The following SPEF2 variants were observed in gnomAD, a reference collection of about 807,000 sequenced individuals.
SPEF2 encodes sperm flagellar and cilia associated 2.
Under a neutral mutation model 224.6 loss-of-function variants are expected in SPEF2, and 187 were observed. The observed-to-expected ratio is 0.83, with a 90% CI of 0.74 to 0.94. The LOEUF is 0.94. Among genes scored for constraint, SPEF2 ranks in the 40% least tolerant of loss-of-function variants. The probability of loss-of-function intolerance (pLI) is 0.00; values close to 1 mark genes in which losing one functional copy is unlikely to be tolerated. For synonymous variants in SPEF2, 715 were observed against 707.3 expected, an observed-to-expected ratio of 1.01 and a Z score of -0.17; for missense variants, 2,170 against 2,135.6, an observed-to-expected ratio of 1.02 and a Z score of -0.32.
intron 36 of SPEF2, among the ~76,000 whole-genome samples, chr5:35,811,369 C>T (rs1032153129): frequency 9.2e-5 from 14 of 152,130 alleles, no homozygotes; most frequent in African/African-American, 3.4e-4. Context: ...TGTTGCCTAA[C>T]AGCTCTATGT....
intron 30 of SPEF2, among the ~76,000 whole-genome samples, chr5:35,782,173 C>G (rs909259496): frequency 6.6e-6 from 1 of 152,132 alleles, no homozygotes; most frequent in South Asian, 2.1e-4. Context: ...AAATGGAAAA[C>G]AATCCTTTAT....
chr5:35,644,538 T>C lies in SPEF2; in HGVS notation c.585+13T>C. On this transcript the variant is annotated intron_variant, in intron 4 of 36. Coordinates refer to ENST00000356031, the MANE Select transcript of SPEF2 (RefSeq NM_024867.4). ...TGATATTGAAAAGGTTCTATAGAAC[T>C]ATTTTTTCAGAAATTCATTAGTGCA... The C allele has an allele frequency of 1.9e-6, 3 of 1,575,396 alleles. No individual in the cohort carries two copies. Among genetic ancestry groups the C allele is most frequent in the Middle Eastern group, 1.8e-4 (1 of 5,648 alleles).
At chr5:35,748,390 G>C (rs1005312655) in intron 23 of SPEF2, among the ~76,000 whole-genome samples, 2 of 152,002 alleles carry the variant, frequency 1.3e-5, no homozygotes, top group African/African-American at 4.8e-5. Context: ...GAATCAAAAA[G>C]CTGGTTCTTT....
intron 23 of SPEF2, among the ~76,000 whole-genome samples, chr5:35,745,827 C>G (rs1238972023): frequency 2.0e-5 from 3 of 152,238 alleles, no homozygotes; most frequent in African/African-American, 7.2e-5. Context: ...ACAGCTGATG[C>G]TCTCTGGAAA....
At chr5:35,687,336 AT>A (rs1228057186) in intron 10 of SPEF2, among the ~76,000 whole-genome samples, 1 of 151,996 alleles carries the variant, frequency 6.6e-6, no homozygotes, top group African/African-American at 2.4e-5. Context: ...CCTGCAACTC[AT>A]TCTTTTCATT....
chr5:35,750,587 G>A (rs201539466), intron 23 of SPEF2, among the ~76,000 whole-genome samples: 2 of 151,988 alleles, frequency 1.3e-5, no homozygotes, highest in African/African-American at 2.4e-5. Flanking sequence ...ACAAACATAT[G>A]AAAAAATGCT....
intron 30 of SPEF2, among the ~76,000 whole-genome samples, chr5:35,780,214 C>G (rs1285931894): frequency 6.6e-6 from 1 of 152,100 alleles, no homozygotes; most frequent in East Asian, 1.9e-4. Context: ...ATTACTTTTC[C>G]CTGTAGCATA....
intron 2 of SPEF2, among the ~76,000 whole-genome samples, chr5:35,635,499 A>G (rs1745711429): frequency 1.3e-5 from 2 of 152,208 alleles, no homozygotes; most frequent in Non-Finnish European, 2.9e-5. Flanking sequence ...GAAACAAAAG[A>G]CATCATTCTA....
At chr5:35,721,991 A>G (rs1334171118) in intron 20 of SPEF2, among the ~76,000 whole-genome samples, 1 of 152,176 alleles carries the variant, frequency 6.6e-6, no homozygotes, top group Non-Finnish European at 1.5e-5. Flanking sequence ...TTTCAGAATT[A>G]AAGCTTTACA....
intron 33 of SPEF2, 78 bp from the exon 34 acceptor site, chr5:35,799,890 G>T: frequency 6.6e-7 from 1 of 1,505,398 alleles, no homozygotes; most frequent in Non-Finnish European, 9.1e-7. Context: ...AAGCTCCTGG[G>T]GAGATTCTTC....
chr5:35,717,619 A>G (rs1016424543), intron 20 of SPEF2, among the ~76,000 whole-genome samples: 8 of 152,114 alleles, frequency 5.3e-5, no homozygotes, highest in Admixed American at 2.0e-4. Flanking sequence ...AGGGAAAAAA[A>G]GAGGAAAACG....
At chr5:35,646,917 A>G in intron 5 of SPEF2, 110 bp downstream of exon 5, 2 of 1,156,914 alleles carry the variant, frequency 1.7e-6, no homozygotes, top group Admixed American at 2.6e-5. Flanking sequence ...TTTCCAAATT[A>G]TCTCTGACCT....
chr5:35,790,610 T>C (rs1755813883), intron 30 of SPEF2: 1 of 322,502 alleles, frequency 3.1e-6, no homozygotes, highest in Non-Finnish European at 5.6e-6. Flanking sequence ...CACACTCTTT[T>C]GGTGGAGCTG....
chr5:35,721,164 A>C (rs781767058), intron 20 of SPEF2, among the ~76,000 whole-genome samples: 1 of 152,216 alleles, frequency 6.6e-6, no homozygotes. Flanking sequence ...CCTTTTCTGC[A>C]AGATTAATTT....
intron 23 of SPEF2, among the ~76,000 whole-genome samples, chr5:35,750,806 AAGT>A (rs1384655843): frequency 6.6e-6 from 1 of 151,546 alleles, no homozygotes; most frequent in Non-Finnish European, 1.5e-5. Context: ...TAAGAACTAA[AAGT>A]AGAGCTACCA....
At chr5:35,809,232 A>AT (rs1676523053) in intron 36 of SPEF2, among the ~76,000 whole-genome samples, 1 of 152,188 alleles carries the variant, frequency 6.6e-6, no homozygotes, top group African/African-American at 2.4e-5. Context: ...GACCCGTAGT[A>AT]TAAGCTTCCA....
At chr5:35,725,313 G>T (rs1228888505) in intron 20 of SPEF2, among the ~76,000 whole-genome samples, 1 of 152,138 alleles carries the variant, frequency 6.6e-6, no homozygotes, top group Non-Finnish European at 1.5e-5. Context: ...CAATAAGAAA[G>T]CTATCACTGT....
chr5:35,692,572 T>G lies in SPEF2; in HGVS notation c.1747T>G (p.Phe583Val). Residue 583 changes from phenylalanine to valine, a missense_variant and splice_region_variant, in exon 12 of 37, where the codon TTT (phenylalanine) becomes GTT (valine). Coordinates refer to ENST00000356031, the MANE Select transcript of SPEF2 (RefSeq NM_024867.4). Reference sequence around the variant, plus strand: ...TAAAATTATCTTTTGTACTTTAGACTTTCCTATACAGATACTTTCTATTGA... The same window carrying G: ...TAAAATTATCTTTTGTACTTTAGACGTTCCTATACAGATACTTTCTATTGA... ...TTILRSLQKD[F>V]PIQILSIDTL... is the part of the protein sequence containing the mutation. The G allele has an allele frequency of 6.3e-7, 1 of 1,583,008 alleles. No individual in the cohort carries two copies. The highest frequency in any genetic ancestry group is 1.2e-5 in the South Asian group (1 of 85,570).
chr5:35,771,008 C>T (rs1358176877), intron 26 of SPEF2, among the ~76,000 whole-genome samples: 1 of 152,096 alleles, frequency 6.6e-6, no homozygotes, highest in Non-Finnish European at 1.5e-5. Flanking sequence ...ATTCAACTGT[C>T]CATGACCCAA....
Sources: gnomAD v4.1 joint callset for allele counts (sites outside exome capture counted in the v4.1 genomes callset) on GRCh38, gnomAD v4.1.1 for gene constraint, MANE v1.5 for transcripts, NCBI Gene and HGNC (gene_info 2026-07-23, HGNC 2026-07-21) for gene names.